The following MAF variants were observed in gnomAD, a reference collection of about 807,000 sequenced individuals.
The protein encoded by MAF is MAF bZIP transcription factor, also known as transcription factor Maf.
MAF carries 10 observed loss-of-function variants against 22.0 expected under a neutral mutation model. That is an observed-to-expected ratio of 0.45 (90% CI 0.28 to 0.77). The LOEUF (loss-of-function observed/expected upper bound fraction) is 0.77, where lower values mean the gene tolerates loss of function less well. Among genes scored for constraint, MAF ranks in the 30% least tolerant of loss-of-function variants. MAF has a pLI of 0.12. For missense variants in MAF, 544 were observed against 548.4 expected (o/e 0.99, Z 0.08); for synonymous variants, 337 against 255.8 (o/e 1.32, Z -3.03).
chr16:79,299,361 A>G, the MAF span, among the ~76,000 whole-genome samples: 23,328 of 149,430 alleles, frequency 0.16, 3,113 homozygotes, highest in African/African-American at 0.37. Flanking sequence ...AAAAAAAAAA[A>G]AGAAAAAAAA....
downstream of MAF, among the ~76,000 whole-genome samples, chr16:79,589,754 C>T (rs1329153182): frequency 6.6e-6 from 1 of 152,164 alleles, no homozygotes; most frequent in Admixed American, 6.5e-5. Context: ...GTCCTTTTGA[C>T]TTTTTAAACC....
At chr16:79,420,988 C>T in the MAF span, among the ~76,000 whole-genome samples, 10 of 151,336 alleles carry the variant, frequency 6.6e-5, no homozygotes, top group East Asian at 1.4e-3. Context: ...GAGCTGAGAT[C>T]GCACCACTTC....
the MAF span, among the ~76,000 whole-genome samples, chr16:79,433,277 A>AAAAAT: frequency 8.4e-6 from 1 of 118,946 alleles, no homozygotes; most frequent in South Asian, 2.9e-4. Context: ...TAAAAAAAAA[A>AAAAAT]ATATATATAT....
the MAF span, among the ~76,000 whole-genome samples, chr16:79,401,226 G>C: frequency 2.6e-5 from 4 of 152,168 alleles, no homozygotes; most frequent in Non-Finnish European, 5.9e-5. Context: ...TGCATTTCTT[G>C]ATTTCCTTTT....
chr16:79,453,525 T>C, the MAF span, among the ~76,000 whole-genome samples: 11 of 152,200 alleles, frequency 7.2e-5, no homozygotes, highest in South Asian at 4.1e-4. Context: ...TACACTACTA[T>C]TGGCAATCAC....
At chr16:79,339,913 T>A in the MAF span, among the ~76,000 whole-genome samples, 1 of 152,230 alleles carries the variant, frequency 6.6e-6, no homozygotes, top group African/African-American at 2.4e-5. Context: ...TGCCAAGTTC[T>A]AACTGCCATT....
chr16:79,216,426 C>A, the MAF span, among the ~76,000 whole-genome samples: 1 of 152,184 alleles, frequency 6.6e-6, no homozygotes, highest in Non-Finnish European at 1.5e-5. Context: ...GATTTTTGAA[C>A]TTTACGATGA....
the MAF span, among the ~76,000 whole-genome samples, chr16:79,335,800 T>C: frequency 6.6e-6 from 1 of 152,218 alleles, no homozygotes; most frequent in African/African-American, 2.4e-5. Context: ...GTTGGTGATT[T>C]TCTTCTCTCT....
the MAF span, among the ~76,000 whole-genome samples, chr16:79,248,930 G>C: frequency 6.6e-6 from 1 of 152,058 alleles, no homozygotes; most frequent in Admixed American, 6.6e-5. Context: ...GCATTGCATT[G>C]GGTAAGAACA....
At chr16:79,361,476 G>A in the MAF span, among the ~76,000 whole-genome samples, 9,147 of 152,186 alleles carry the variant, frequency 0.06, 905 homozygotes, top group African/African-American at 0.21. Flanking sequence ...GAACATAGCA[G>A]GTTAACCTCT....
chr16:79,548,719 T>C, the MAF span, among the ~76,000 whole-genome samples: 3 of 152,132 alleles, frequency 2.0e-5, 1 homozygote, highest in Non-Finnish European at 4.4e-5. Context: ...CAGTGCCCAT[T>C]GAATACCTGC....
chr16:79,576,705 C>T, the MAF span, among the ~76,000 whole-genome samples: 1 of 152,140 alleles, frequency 6.6e-6, no homozygotes, highest in Non-Finnish European at 1.5e-5. Flanking sequence ...GTGTCAAGGT[C>T]AAATTTTTAT....
chr16:79,405,757 G>T, the MAF span, among the ~76,000 whole-genome samples: 4 of 152,124 alleles, frequency 2.6e-5, no homozygotes, highest in African/African-American at 9.7e-5. Flanking sequence ...CTGAGCTCTT[G>T]CATTATCTTA....
the MAF span, among the ~76,000 whole-genome samples, chr16:79,361,680 G>T: frequency 7.6e-4 from 114 of 150,576 alleles, no homozygotes; most frequent in African/African-American, 2.0e-3. Flanking sequence ...CGAAAGATTG[G>T]TTTTTTTTTC....
At chr16:79,262,464 T>C in the MAF span, among the ~76,000 whole-genome samples, 2 of 152,272 alleles carry the variant, frequency 1.3e-5, no homozygotes, top group East Asian at 3.9e-4. Flanking sequence ...GAGAAAGCCT[T>C]AAGACAAAAT....
At chr16:79,256,731 G>T in the MAF span, among the ~76,000 whole-genome samples, 1 of 152,192 alleles carries the variant, frequency 6.6e-6, no homozygotes, top group African/African-American at 2.4e-5. Flanking sequence ...TGGTACAACT[G>T]TGAGATGCAT....
At chr16:79,521,915 C>T in the MAF span, among the ~76,000 whole-genome samples, 1 of 152,154 alleles carries the variant, frequency 6.6e-6, no homozygotes, top group African/African-American at 2.4e-5. Flanking sequence ...ATGCTGGGCT[C>T]TGGGGAAATA....
At chr16:79,503,393 T>C in the MAF span, among the ~76,000 whole-genome samples, 7 of 152,336 alleles carry the variant, frequency 4.6e-5, no homozygotes, top group South Asian at 1.4e-3. Context: ...CTAAGAGCTT[T>C]ATAAAAAATT....
the MAF span, among the ~76,000 whole-genome samples, chr16:79,483,738 G>A: frequency 2.0e-5 from 3 of 152,202 alleles, no homozygotes; most frequent in Non-Finnish European, 4.4e-5. Flanking sequence ...CATAGAGAGA[G>A]AGGGGAAGCC....
Sources: allele counts gnomAD v4.1 joint callset (sites outside exome capture counted in the v4.1 genomes callset), GRCh38; gene constraint gnomAD v4.1.1; transcripts MANE v1.5; gene names NCBI Gene and HGNC (gene_info 2026-07-23, HGNC 2026-07-21).